The following CSMD2 variants were observed in gnomAD, a reference collection of about 807,000 sequenced individuals.
CSMD2 encodes the protein CUB and sushi domain-containing protein 2.
In CSMD2, 130 loss-of-function variants were observed where a neutral mutation model predicts 398.5. The observed-to-expected ratio is 0.33, with a 90% confidence interval of 0.28 to 0.38. The LOEUF (loss-of-function observed/expected upper bound fraction) is 0.38. Among genes scored for constraint, CSMD2 ranks in the 10% least tolerant of loss-of-function variants. The pLI is 1.00. For missense variants in CSMD2, 3,829 were observed against 4,764.9 expected, an observed-to-expected ratio of 0.80 and a Z score of 5.78; for synonymous variants, 1,828 against 1,908.5, an observed-to-expected ratio of 0.96 and a Z score of 1.10.
Position 33,766,205 on chromosome 1 carries a change from A to G in CSMD2, c.1846+6364T>C, listed in dbSNP as rs74069181. On this transcript the variant is annotated intron_variant, in intron 13 of 70. Coordinates refer to ENST00000373381, the MANE Select transcript of CSMD2 (RefSeq NM_001281956.2). ...GGCGCGCGTGTGTGTGTGGGTGTTT[A>G]TGTGTGCGTCAATGTATCTACGGAA... 3.7e-3 allele frequency among the ~76,000 whole-genome samples: 564 copies of G among 152,192 alleles called. 7 individuals carry two copies. The highest frequency in any genetic ancestry group is 0.013 in the African/African-American group (553 of 41,534).
chr1:34,092,172 C>G (rs762185213), intron 1 of CSMD2, among the ~76,000 whole-genome samples: 1 of 151,756 alleles, frequency 6.6e-6, no homozygotes, highest in Non-Finnish European at 1.5e-5. Context: ...TGTGCAGGCA[C>G]GATATGAAAA....
At chr1:34,041,207 C>G (rs1268806214) in intron 2 of CSMD2, among the ~76,000 whole-genome samples, 1 of 152,060 alleles carries the variant, frequency 6.6e-6, no homozygotes, top group Non-Finnish European at 1.5e-5. Flanking sequence ...CAAAAGGACT[C>G]CCATTCTAAG....
At chr1:34,014,972 G>T (rs1647880984) in intron 3 of CSMD2, among the ~76,000 whole-genome samples, 1 of 152,188 alleles carries the variant, frequency 6.6e-6, no homozygotes, top group Non-Finnish European at 1.5e-5. Context: ...TGGGTGTGCA[G>T]CACAGGAAAG....
chr1:33,689,425 C>T lies in CSMD2; in HGVS notation c.4052+3505G>A, dbSNP rs868160910. ...TTCCCATTTTGGGATCCTCAGCATG[C>T]CCCCCATGACTTCATATTTCTTGCT... On this transcript the variant is annotated intron_variant, in intron 25 of 70. Transcript: ENST00000373381. 2.0e-5 allele frequency among the ~76,000 whole-genome samples: 3 copies of T among 152,130 alleles called. No individual in the cohort carries two copies. In the South Asian group the frequency reaches 6.2e-4, roughly 32 times the overall value.
At chr1:33,772,342 G>A in intron 13 of CSMD2, 1 of 489,700 alleles carries the variant, frequency 2.0e-6, no homozygotes, top group Non-Finnish European at 3.7e-6. Context: ...CGGTGTTGAA[G>A]AGCATCCCCA....
intron 2 of CSMD2, among the ~76,000 whole-genome samples, chr1:34,079,567 T>C (rs1656820831): frequency 6.6e-6 from 1 of 152,142 alleles, no homozygotes; most frequent in South Asian, 2.1e-4. Flanking sequence ...TAAATTCTCA[T>C]GAAAATGATC....
intron 2 of CSMD2, among the ~76,000 whole-genome samples, chr1:34,085,148 C>T (rs1039852227): frequency 1.3e-5 from 2 of 152,066 alleles, no homozygotes; most frequent in Non-Finnish European, 2.9e-5. Flanking sequence ...CCAAACACCG[C>T]ATGTTCTCAC....
chr1:33,524,768 C>A (rs757966777), intron 66 of CSMD2, 114 bp downstream of exon 66: 1 of 1,057,976 alleles, frequency 9.5e-7, no homozygotes, highest in Non-Finnish European at 1.4e-6. Context: ...TCCCTGACCA[C>A]CAGACAAGTC....
At chr1:34,021,470 G>A (rs574991859) in intron 3 of CSMD2, among the ~76,000 whole-genome samples, 11 of 152,258 alleles carry the variant, frequency 7.2e-5, no homozygotes, top group African/African-American at 2.6e-4. Context: ...GTGGTTCTTC[G>A]GTACCAAGGG....
At chr1:33,990,594 G>A (rs1284122851) in intron 3 of CSMD2, among the ~76,000 whole-genome samples, 1 of 152,168 alleles carries the variant, frequency 6.6e-6, no homozygotes, top group Non-Finnish European at 1.5e-5. Flanking sequence ...GAGAGGCTAT[G>A]AAGAGGAGAA....
intron 9 of CSMD2, among the ~76,000 whole-genome samples, chr1:33,812,138 C>A (rs997070725): frequency 6.6e-6 from 1 of 152,172 alleles, no homozygotes; most frequent in African/African-American, 2.4e-5. Context: ...TTCATTCCAA[C>A]ATTTATTGAG....
intron 43 of CSMD2, among the ~76,000 whole-genome samples, chr1:33,601,622 A>G (rs966000481): frequency 3.9e-5 from 6 of 152,180 alleles, no homozygotes; most frequent in African/African-American, 1.2e-4. Flanking sequence ...CCACCAAACA[A>G]AGGAATTTTA....
rs138812986 is a variant in CSMD2, at chr1:33,548,284, A to G, written c.8917+1893T>C. Among the ~76,000 whole-genome samples the G allele has an allele frequency of 7.2e-4, 110 of 152,316 alleles. 1 individual carries two copies. The highest frequency in any genetic ancestry group is 3.3e-4 in the Admixed American group (5 of 15,296). On this transcript the variant is annotated intron_variant, in intron 56 of 70. Coordinates refer to ENST00000373381, the MANE Select transcript of CSMD2 (RefSeq NM_001281956.2). ...TTTTTCTGAAAGAATGGCCCCCACT[A>G]CAGTATTGGAGGCTTCTAGTTCAGT... is the stretch of plus-strand genomic sequence containing the variant.
At chr1:33,883,300 C>A (rs575906744) in intron 5 of CSMD2, among the ~76,000 whole-genome samples, 2 of 152,248 alleles carry the variant, frequency 1.3e-5, no homozygotes, top group African/African-American at 2.4e-5. Context: ...TGCCAGCAAC[C>A]AGCTGTGTGT....
At chr1:33,777,394 C>T (rs922067442) in intron 12 of CSMD2, among the ~76,000 whole-genome samples, 1 of 152,152 alleles carries the variant, frequency 6.6e-6, no homozygotes, top group African/African-American at 2.4e-5. Flanking sequence ...TTGACACCTC[C>T]TGTCCTGGCC....
In CSMD2 at chr1:34,120,602, T is replaced by C. The variant is rs111553310; in HGVS notation, c.188-31409A>G. 4.5e-3 allele frequency among the ~76,000 whole-genome samples: 688 copies of C among 152,332 alleles called. 3 individuals are homozygous for C. The highest frequency in any genetic ancestry group is 7.2e-3 in the Non-Finnish European group (487 of 68,032). ...TCTTGTTGCCCAGGCTGGAGTACAA[T>C]GGCGCAATCTCGGCTCACTGCACTC... On this transcript the variant is annotated intron_variant, in intron 1 of 70. Coordinates refer to ENST00000373381, the MANE Select transcript of CSMD2 (RefSeq NM_001281956.2).
chr1:33,577,802 AAC>A (rs1363029010), intron 48 of CSMD2, among the ~76,000 whole-genome samples: 1 of 152,154 alleles, frequency 6.6e-6, no homozygotes, highest in African/African-American at 2.4e-5. Context: ...TCAGCTCCGA[AAC>A]AGACTTAGAA....
At chr1:33,886,627 GC>G (rs1641614886) in intron 5 of CSMD2, among the ~76,000 whole-genome samples, 1 of 152,204 alleles carries the variant, frequency 6.6e-6, no homozygotes, top group Non-Finnish European at 1.5e-5. Context: ...CCTGCACACA[GC>G]GTGGGGCACA....
chr1:34,100,046 C>G (rs575031614), intron 1 of CSMD2, among the ~76,000 whole-genome samples: 18 of 152,192 alleles, frequency 1.2e-4, no homozygotes, highest in Non-Finnish European at 2.2e-4. Context: ...ATTATAATCT[C>G]TTCCTTCCAG....
Sources: gnomAD v4.1 joint callset for allele counts (sites outside exome capture counted in the v4.1 genomes callset) on GRCh38, gnomAD v4.1.1 for gene constraint, MANE v1.5 for transcripts, NCBI Gene and HGNC (gene_info 2026-07-23, HGNC 2026-07-21) for gene names.